The following CLIC5 variants were observed in gnomAD, a reference collection of about 807,000 sequenced individuals.
The protein encoded by CLIC5 is CLIC family member 5.
A neutral mutation model predicts 24.7 loss-of-function variants in CLIC5; 20 were observed. The observed-to-expected ratio is 0.81, with a 90% CI of 0.57 to 1.18. The LOEUF (loss-of-function observed/expected upper bound fraction) is 1.18, where lower values mean the gene tolerates loss of function less well. CLIC5 is among the 50% of genes most tolerant of loss of function. The probability of loss-of-function intolerance (pLI) is 0.00; values close to 1 mark genes in which losing one functional copy is unlikely to be tolerated. For missense variants in CLIC5, 341 were observed against 326.1 expected, an observed-to-expected ratio of 1.05 and a Z score of -0.35; for synonymous variants, 159 against 135.6, an observed-to-expected ratio of 1.17 and a Z score of -1.20.
intron 1 of CLIC5, among the ~76,000 whole-genome samples, chr6:46,056,656 A>G (rs959663166): frequency 6.6e-6 from 1 of 152,192 alleles, no homozygotes; most frequent in African/African-American, 2.4e-5. Flanking sequence ...GAGTCCCCCT[A>G]CACCACAGAG....
At chr6:46,027,135 A>G (rs1376950984) in intron 1 of CLIC5, among the ~76,000 whole-genome samples, 2 of 152,236 alleles carry the variant, frequency 1.3e-5, no homozygotes, top group Non-Finnish European at 1.5e-5. Context: ...GGGAGACAGA[A>G]CAAACACATA....
chr6:45,987,347 C>A (rs2127419984), intron 1 of CLIC5, among the ~76,000 whole-genome samples: 1 of 152,290 alleles, frequency 6.6e-6, no homozygotes, highest in African/African-American at 2.4e-5. Context: ...ATCTCTTCTG[C>A]TAAACTGTGG....
At chr6:46,000,090 T>C (rs1766300152) in intron 1 of CLIC5, among the ~76,000 whole-genome samples, 1 of 152,208 alleles carries the variant, frequency 6.6e-6, no homozygotes, top group Non-Finnish European at 1.5e-5. Flanking sequence ...GTTATCTCCT[T>C]ACTGTATTGT....
intron 3 of CLIC5, among the ~76,000 whole-genome samples, chr6:45,945,780 G>A (rs1440635970): frequency 1.3e-5 from 2 of 152,128 alleles, no homozygotes; most frequent in African/African-American, 2.4e-5. Flanking sequence ...GAACTTTCTT[G>A]TTTTTTACTG....
chr6:46,030,719 C>G (rs752746694), intron 1 of CLIC5, among the ~76,000 whole-genome samples: 1 of 152,172 alleles, frequency 6.6e-6, no homozygotes, highest in South Asian at 2.1e-4. Context: ...AACCTCCATG[C>G]CTTTGCTCAT....
chr6:46,055,062 T>C (rs1768208297), intron 1 of CLIC5, among the ~76,000 whole-genome samples: 1 of 152,240 alleles, frequency 6.6e-6, no homozygotes, highest in Non-Finnish European at 1.5e-5. Context: ...CAATCTCATC[T>C]TCTAAATTCC....
chr6:45,881,978 T>C (rs563672709), intron 6 of CLIC5, among the ~76,000 whole-genome samples: 2 of 9,620 alleles, frequency 2.1e-4, no homozygotes, highest in East Asian at 6.0e-3. Context: ...AAGACTTCCT[T>C]TAAAAAAAAA....
chr6:46,128,509 G>A, the CLIC5 span, among the ~76,000 whole-genome samples: 1 of 152,100 alleles, frequency 6.6e-6, no homozygotes, highest in East Asian at 1.9e-4. Context: ...TTCAAATTGG[G>A]GTACTTTTTT....
intron 1 of CLIC5, among the ~76,000 whole-genome samples, chr6:46,054,895 G>A (rs1252273852): frequency 6.6e-6 from 1 of 152,162 alleles, no homozygotes; most frequent in East Asian, 1.9e-4. Context: ...CAGTCTGTGT[G>A]GTTTTGTCAT....
In CLIC5 at chr6:45,977,092, T is replaced by C. The variant is rs137990540; in HGVS notation, c.64-21848A>G. Among the ~76,000 whole-genome samples the C allele has an allele frequency of 2.6e-3, 395 of 152,310 alleles. 3 individuals are homozygous for C. The highest frequency in any genetic ancestry group is 8.8e-3 in the African/African-American group (368 of 41,584). On this transcript the variant is annotated intron_variant, in intron 1 of 5. Coordinates refer to ENST00000339561, the MANE Select transcript of CLIC5 (RefSeq NM_016929.5). ...AACTATATAGTTGATTTATAATAAATATTTGTAATAAATATTTATTTTAAA... is the reference window on the plus strand; with the variant it reads ...AACTATATAGTTGATTTATAATAAACATTTGTAATAAATATTTATTTTAAA...
chr6:45,880,832 G>C (rs1202362939), downstream of CLIC5: 1 of 284,296 alleles, frequency 3.5e-6, no homozygotes, highest in South Asian at 1.7e-4. Flanking sequence ...AGATCTGAGA[G>C]AGGCAGAGTT....
At chr6:45,884,583 G>A (rs10948263) in intron 6 of CLIC5, among the ~76,000 whole-genome samples, 34,629 of 152,076 alleles carry the variant, frequency 0.23, 4,279 homozygotes, top group Middle Eastern at 0.3. Flanking sequence ...GCTGCGAAAT[G>A]GAGTCTGTGG....
At chr6:46,109,425 A>T in the CLIC5 span, among the ~76,000 whole-genome samples, 1 of 149,936 alleles carries the variant, frequency 6.7e-6, no homozygotes, top group Non-Finnish European at 1.5e-5. Context: ...TACGCCTATA[A>T]TCCCAGCACT....
At chr6:46,058,172 C>T (rs1161169620) in intron 1 of CLIC5, among the ~76,000 whole-genome samples, 1 of 152,024 alleles carries the variant, frequency 6.6e-6, no homozygotes, top group South Asian at 2.1e-4. Flanking sequence ...ATTTCAATAC[C>T]TAGCAGAAAA....
chr6:46,067,433 C>A (rs577491171), intron 1 of CLIC5, among the ~76,000 whole-genome samples: 1 of 152,178 alleles, frequency 6.6e-6, no homozygotes. Flanking sequence ...TGACACTGAA[C>A]CTTTTCTCCT....
downstream of CLIC5, among the ~76,000 whole-genome samples, chr6:45,897,948 T>C (rs758913417): frequency 2.0e-5 from 3 of 151,516 alleles, no homozygotes; most frequent in Non-Finnish European, 4.4e-5. Context: ...CCAGGTATTA[T>C]GAAAGAATGT....
chr6:46,008,203 G>A (rs1332197403), intron 1 of CLIC5, among the ~76,000 whole-genome samples: 1 of 152,142 alleles, frequency 6.6e-6, no homozygotes, highest in African/African-American at 2.4e-5. Context: ...CACTGTTGTT[G>A]GCTTTTTTGC....
At chr6:46,029,008 C>A (rs1767423641) in intron 1 of CLIC5, among the ~76,000 whole-genome samples, 3 of 152,140 alleles carry the variant, frequency 2.0e-5, no homozygotes, top group Admixed American at 6.5e-5. Flanking sequence ...AACCACTGAT[C>A]TTTTACTGTC....
At chr6:46,020,094 T>C (rs1447281080), upstream of CLIC5, among the ~76,000 whole-genome samples, 3 of 152,166 alleles carry the variant, frequency 2.0e-5, no homozygotes, top group African/African-American at 7.2e-5. Flanking sequence ...TGAACATTTG[T>C]GGAATATCCC....
Sources: gnomAD v4.1 joint callset for allele counts (sites outside exome capture counted in the v4.1 genomes callset) on GRCh38, gnomAD v4.1.1 for gene constraint, MANE v1.5 for transcripts, NCBI Gene and HGNC (gene_info 2026-07-23, HGNC 2026-07-21) for gene names.